VPS52: variants seen among roughly 807,000 people sequenced by gnomAD.
VPS52 encodes the protein vacuolar protein sorting-associated protein 52 homolog.
Under a neutral mutation model 98.7 loss-of-function variants are expected in VPS52, and 56 were observed. That is an observed-to-expected ratio of 0.57 (90% CI 0.46 to 0.71). The LOEUF is 0.71. Among genes scored for constraint, VPS52 ranks in the 30% least tolerant of loss-of-function variants. The probability of loss-of-function intolerance (pLI) is 0.00; values close to 1 mark genes in which losing one functional copy is unlikely to be tolerated. For synonymous variants in VPS52, 348 were observed against 346.4 expected (o/e 1.00, Z -0.05); for missense variants, 742 against 925.9 (o/e 0.80, Z 2.58).
At position 33,267,117 on chromosome 6, in the gene VPS52, C is replaced by T; in HGVS notation, c.1125+71G>A. ...GGCCTGCAGGTTGGGAAGCTCTGCC[C>T]TGAGGTCTGGCCTTCCCTCCCCACC... On this transcript the variant is annotated intron_variant, in intron 11 of 19. Coordinates refer to ENST00000445902, the MANE Select transcript of VPS52 (RefSeq NM_022553.6). The surrounding 1 kb of genome is among the most constrained non-coding windows in gnomAD (Gnocchi z 4.2). 5 of 1,445,492 alleles carry T rather than the reference C, an allele frequency of 3.5e-6. No individual in the cohort carries two copies. Among genetic ancestry groups the T allele is most frequent in the Non-Finnish European group, 4.6e-6 (5 of 1,097,408 alleles). 89.5% of individuals were successfully genotyped at this position (1,445,492 alleles called of 1,614,324 possible).
chr6:33,271,807 G>C lies in VPS52; in HGVS notation c.-132C>G. 1 of 1,452,740 alleles carries C rather than the reference G, an allele frequency of 6.9e-7. No individual in the cohort carries two copies. Among genetic ancestry groups the C allele is most frequent in the Admixed American group, 2.6e-5 (1 of 38,638 alleles). 90.0% of individuals were successfully genotyped at this position (1,452,740 alleles called of 1,614,324 possible). ...ATTTGAGTTAAGTTGTTTGACTCCA[G>C]CTGTCCCCTTTCAGCTCTAACCACT... On this transcript the variant is annotated 5_prime_UTR_variant, in exon 1 of 20. Coordinates refer to ENST00000445902, the MANE Select transcript of VPS52 (RefSeq NM_022553.6).
At chr6:33,260,052 AC>A (rs1763449615) in intron 17 of VPS52, among the ~76,000 whole-genome samples, 1 of 152,246 alleles carries the variant, frequency 6.6e-6, no homozygotes. Flanking sequence ...GAAACTGGAA[AC>A]AATCCATTTA....
chr6:33,269,069 G>GA lies in VPS52; in HGVS notation c.492dup (p.Arg165SerfsTer9). On this transcript the variant is annotated frameshift_variant, in exon 6 of 20. Transcript: ENST00000445902. LOFTEE classifies it high-confidence loss of function. ...TCAACAAGCTCCCCAAGTTTCCCCC[G>GA]AACTGCCTGGCGATTTCGAAGTCGA... The GA allele has an allele frequency of 6.2e-7, 1 of 1,612,774 alleles. No homozygotes were observed. Among genetic ancestry groups the GA allele is most frequent in the Non-Finnish European group, 8.5e-7 (1 of 1,179,914 alleles).
intron 17 of VPS52, among the ~76,000 whole-genome samples, chr6:33,263,138 C>A (rs529134122): frequency 2.0e-5 from 3 of 151,586 alleles, no homozygotes; most frequent in African/African-American, 7.3e-5. Context: ...GTGGCTCGCA[C>A]CTGTGGTCCC....
At chr6:33,257,157 G>A (rs1763087989) in intron 17 of VPS52, among the ~76,000 whole-genome samples, 1 of 152,106 alleles carries the variant, frequency 6.6e-6, no homozygotes, top group Non-Finnish European at 1.5e-5. Flanking sequence ...AGCTACCTGA[G>A]TAGCAGAGAC....
At chr6:33,265,996 A>T (rs989629925) in intron 12 of VPS52, among the ~76,000 whole-genome samples, 1 of 151,588 alleles carries the variant, frequency 6.6e-6, no homozygotes, top group Admixed American at 6.6e-5. Context: ...CCTCCCGAGT[A>T]GCTGGGATTA....
In VPS52 at chr6:33,250,942, C is replaced by G; in HGVS notation, c.2071G>C (p.Val691Leu). The G allele has an allele frequency of 6.2e-7, 1 of 1,613,036 alleles. No homozygotes were observed. Among genetic ancestry groups the G allele is most frequent in the Non-Finnish European group, 8.5e-7 (1 of 1,180,026 alleles). ...LIQLYHRFHR[V>L]LSQPQLRALP... ...GCTCGGAGCTGCGGCTGGGACAGCA[C>G]CCGGTGGAAGCGATGATAGAGCTGG... is the stretch of plus-strand genomic sequence containing the variant. The change falls in exon 20 of 20, where the codon GTG becomes CTG. Residue 691 changes from valine (V) to leucine (L), a missense_variant. By Grantham distance (32) the Val-to-Leu change is conservative. Transcript: ENST00000445902.
chr6:33,271,144 C>G (rs1765008009), intron 1 of VPS52: 1 of 489,680 alleles, frequency 2.0e-6, no homozygotes, highest in African/African-American at 1.9e-5. Context: ...TACCTGCATG[C>G]CAGGTGCAAT....
chr6:33,251,085 T>G, intron 19 of VPS52, 98 bp from the exon 20 acceptor site: 1 of 1,551,040 alleles, frequency 6.4e-7, no homozygotes, highest in Non-Finnish European at 8.8e-7. Flanking sequence ...GGCTCACACT[T>G]GTAATCCCAG....
At chr6:33,260,239 A>G (rs1763468028) in intron 17 of VPS52, among the ~76,000 whole-genome samples, 3 of 152,086 alleles carry the variant, frequency 2.0e-5, no homozygotes, top group African/African-American at 7.2e-5. Context: ...CCAAGGGTAG[A>G]CTACAATGTC....
intron 17 of VPS52, among the ~76,000 whole-genome samples, chr6:33,255,814 AG>A (rs9280384): frequency 6.1e-5 from 9 of 148,442 alleles, no homozygotes; most frequent in East Asian, 3.9e-4. Flanking sequence ...AAAAAAAAAA[AG>A]AAATGGAGTC....
rs1016736917 is a variant in VPS52, at chr6:33,270,386, C to T, written c.91-103G>A. On this transcript the variant is annotated intron_variant, in intron 1 of 19. Transcript: ENST00000445902. ...TTCAAGTGAGAAGGAGCTGCTTTTA[C>T]TGGGAGCCACAGGTACTGCTTTGAA... 7 of 1,078,810 alleles carry T rather than the reference C, an allele frequency of 6.5e-6. No individual in the cohort carries two copies. In the Admixed American group the frequency reaches 6.8e-5, roughly 11 times the overall value. The allele number at this position is 1,078,810 out of a possible 1,614,324, so 66.8% of individuals were successfully genotyped here.
intron 1 of VPS52, 181 bp downstream of exon 1, chr6:33,271,405 A>G (rs1339466040): frequency 1.2e-6 from 1 of 864,666 alleles, no homozygotes; most frequent in Admixed American, 2.0e-5. Flanking sequence ...CCAGAACATG[A>G]GTTTCAGCCA....
intron 14 of VPS52, 25 bp downstream of exon 14, chr6:33,264,349 C>G (rs745428517): frequency 6.2e-7 from 1 of 1,612,652 alleles, no homozygotes; most frequent in Non-Finnish European, 8.5e-7. Context: ...TTCAAGAACC[C>G]TTTGTTACCC....
intron 14 of VPS52, 94 bp from the exon 15 acceptor site, chr6:33,264,197 G>C: frequency 8.4e-6 from 13 of 1,549,064 alleles, no homozygotes; most frequent in Non-Finnish European, 1.2e-5. Context: ...CATGTGATGT[G>C]ACTCTACCTT....
At chr6:33,256,862 A>G (rs1205710796) in intron 17 of VPS52, among the ~76,000 whole-genome samples, 1 of 138,570 alleles carries the variant, frequency 7.2e-6, no homozygotes, top group Non-Finnish European at 1.5e-5. Flanking sequence ...AAAAGAAAAG[A>G]AAAAAAAAGA....
intron 11 of VPS52, 63 bp from the exon 12 acceptor site, chr6:33,266,775 G>C: frequency 6.5e-7 from 1 of 1,537,638 alleles, no homozygotes; most frequent in Non-Finnish European, 8.8e-7. Context: ...ACTTCCCATG[G>C]ATATGGCTGG....
Position 33,250,853 on chromosome 6 carries a change from C to T in VPS52, c.2160G>A (p.Lys720=). Residue 720 remains lysine (K), a synonymous_variant, in exon 20 of 20, where the codon AAG becomes AAA. Transcript: ENST00000445902. ...HHLMVELKKH[K]PNF ...GGTTTCTGGCACATCAGAAGTTGGG[C>T]TTATGCTTCTTGAGCTCCACCATAA... The T allele has an allele frequency of 6.2e-7, 1 of 1,612,162 alleles. No homozygotes were observed. Among genetic ancestry groups the T allele is most frequent in the Non-Finnish European group, 8.5e-7 (1 of 1,179,412 alleles).
In VPS52 at chr6:33,266,591, TG is replaced by T; in HGVS notation, c.1246del (p.His416MetfsTer10). The T allele has an allele frequency of 6.2e-7, 1 of 1,612,416 alleles. No individual in the cohort carries two copies. The highest frequency in any genetic ancestry group is 8.5e-7 in the Non-Finnish European group (1 of 1,179,706). ...GCTGAGTGTACGGCCCATGACAGCA[TG>T]GAACAGGTCGTGTGCAGCTGGGCCA... ...VSGPAAHDLFHAVMGRTLSMT... is the reference protein window; with the variant it reads ...VSGPAAHDLFXAVMGRTLSMT... On this transcript the variant is annotated frameshift_variant, in exon 12 of 20. Coordinates refer to ENST00000445902, the MANE Select transcript of VPS52 (RefSeq NM_022553.6). LOFTEE classifies it high-confidence loss of function.
Sources: allele counts gnomAD v4.1 joint callset (sites outside exome capture counted in the v4.1 genomes callset), GRCh38; gene constraint gnomAD v4.1.1; non-coding constraint Gnocchi (gnomAD v3.1); transcripts MANE v1.5; gene names NCBI Gene and HGNC (gene_info 2026-07-23, HGNC 2026-07-21).